The following FRMD4B variants were observed in gnomAD, a reference collection of about 807,000 sequenced individuals.
The protein encoded by FRMD4B is FERM domain containing 4B.
Under a neutral mutation model 141.5 loss-of-function variants are expected in FRMD4B, and 74 were observed. The observed-to-expected ratio is 0.52, with a 90% CI of 0.43 to 0.63. The LOEUF (loss-of-function observed/expected upper bound fraction) is 0.63. Among genes scored for constraint, FRMD4B ranks in the 30% least tolerant of loss-of-function variants. The probability of loss-of-function intolerance (pLI) is 0.00; values close to 1 mark genes in which losing one functional copy is unlikely to be tolerated. For synonymous variants in FRMD4B, 506 were observed against 467.9 expected, an observed-to-expected ratio of 1.08 and a Z score of -1.05; for missense variants, 1,366 against 1,253.4, an observed-to-expected ratio of 1.09 and a Z score of -1.36.
intron 5 of FRMD4B, among the ~76,000 whole-genome samples, chr3:69,272,850 A>C (rs779643199): frequency 6.6e-6 from 1 of 152,230 alleles, no homozygotes; most frequent in African/African-American, 2.4e-5. Context: ...AAATATGGAT[A>C]GTAATGGGTC....
At chr3:69,510,419 T>C (rs1004059756) in intron 1 of FRMD4B, among the ~76,000 whole-genome samples, 6 of 152,226 alleles carry the variant, frequency 3.9e-5, no homozygotes, top group African/African-American at 1.4e-4. Flanking sequence ...ATGAATTGCC[T>C]TTGTATTACT....
intron 1 of FRMD4B, among the ~76,000 whole-genome samples, chr3:69,482,634 T>A (rs1056356494): frequency 6.6e-6 from 1 of 152,238 alleles, no homozygotes; most frequent in African/African-American, 2.4e-5. Flanking sequence ...AGAAGCTTAC[T>A]GATGCCAATT....
At chr3:69,306,644 C>T (rs559112216) in intron 3 of FRMD4B, 2 of 152,360 alleles carry the variant, frequency 1.3e-5, no homozygotes, top group African/African-American at 2.4e-5. Flanking sequence ...AGTAACGTGA[C>T]CTTGAATCTG....
At chr3:69,475,754 T>G (rs1025928157) in intron 1 of FRMD4B, among the ~76,000 whole-genome samples, 29 of 144,598 alleles carry the variant, frequency 2.0e-4, no homozygotes, top group Non-Finnish European at 3.4e-4. Flanking sequence ...ATGGTATTTC[T>G]AGTTCTAGAT....
intron 16 of FRMD4B, among the ~76,000 whole-genome samples, chr3:69,194,253 G>C (rs2092874908): frequency 2.0e-5 from 3 of 152,312 alleles, no homozygotes. Context: ...ATTCCTGGTT[G>C]CATGACCCTG....
At chr3:69,489,615 G>A (rs1375720276) in intron 1 of FRMD4B, among the ~76,000 whole-genome samples, 1 of 152,196 alleles carries the variant, frequency 6.6e-6, no homozygotes, top group East Asian at 1.9e-4. Context: ...AAAGAAACAA[G>A]AACCTTCACA....
intron 2 of FRMD4B, among the ~76,000 whole-genome samples, chr3:69,416,716 G>A (rs944383295): frequency 2.6e-5 from 4 of 151,976 alleles, no homozygotes; most frequent in Non-Finnish European, 5.9e-5. Flanking sequence ...CCAACCTCCC[G>A]ATAGGCCCAG....
intron 1 of FRMD4B, among the ~76,000 whole-genome samples, chr3:69,473,220 A>G (rs1482557616): frequency 6.6e-6 from 1 of 151,988 alleles, no homozygotes; most frequent in Non-Finnish European, 1.5e-5. Context: ...CTCTCTTCCT[A>G]TACTCCATAC....
Position 69,313,475 on chromosome 3 carries a change from T to C in FRMD4B, c.205A>G (p.Arg69Gly). 2 of 1,572,964 alleles carry C rather than the reference T, an allele frequency of 1.3e-6. No individual in the cohort carries two copies. Among genetic ancestry groups the C allele is most frequent in the Non-Finnish European group, 1.7e-6 (2 of 1,158,426 alleles). The change falls in exon 2 of 23, where the codon AGG becomes GGG. Residue 69 changes from arginine (R) to glycine (G), a missense_variant. Coordinates refer to ENST00000398540, the MANE Select transcript of FRMD4B (RefSeq NM_015123.3). ...RHCQVHLLDD[R>G]RLELLVQPKL... Reference sequence around the variant, plus strand: ...ACCTGAACCAGCAGCTCCAGTCTCCTATCATCCAGGAGGTGCACCTGGCAG... The same window carrying C: ...ACCTGAACCAGCAGCTCCAGTCTCCCATCATCCAGGAGGTGCACCTGGCAG...
chr3:69,389,963 C>A (rs1575783922), upstream of FRMD4B, among the ~76,000 whole-genome samples: 2 of 151,610 alleles, frequency 1.3e-5, no homozygotes, highest in Non-Finnish European at 2.9e-5. Flanking sequence ...GCACAGAGTT[C>A]CCTGCAATAC....
chr3:69,267,550 T>G, intron 5 of FRMD4B, among the ~76,000 whole-genome samples: 1 of 148,572 alleles, frequency 6.7e-6, no homozygotes, highest in Non-Finnish European at 1.5e-5. Context: ...GCCTAGCACA[T>G]AGAAAATATT....
At chr3:69,371,320 A>C (rs1346609014) in intron 1 of FRMD4B, among the ~76,000 whole-genome samples, 3 of 152,160 alleles carry the variant, frequency 2.0e-5, no homozygotes, top group Non-Finnish European at 4.4e-5. Context: ...GCTGGGAGTT[A>C]AGACCAGAGT....
At chr3:69,509,684 T>A (rs1160028841) in intron 1 of FRMD4B, among the ~76,000 whole-genome samples, 1 of 152,110 alleles carries the variant, frequency 6.6e-6, no homozygotes, top group Non-Finnish European at 1.5e-5. Context: ...TCATATGTCA[T>A]TTTATTGCAC....
upstream of FRMD4B, chr3:69,386,227 G>T: frequency 2.4e-6 from 1 of 423,710 alleles, no homozygotes; most frequent in Non-Finnish European, 4.2e-6. Flanking sequence ...GTCCACCCCC[G>T]CCCGCTCGCA....
chr3:69,512,764 T>A (rs1706709733), intron 1 of FRMD4B, among the ~76,000 whole-genome samples: 1 of 152,070 alleles, frequency 6.6e-6, no homozygotes, highest in African/African-American at 2.4e-5. Flanking sequence ...CCCGCCCAAA[T>A]AAAACTTGGA....
intron 2 of FRMD4B, among the ~76,000 whole-genome samples, chr3:69,416,534 T>C (rs1364146580): frequency 2.6e-5 from 4 of 152,004 alleles, no homozygotes; most frequent in Non-Finnish European, 5.9e-5. Flanking sequence ...AACCTGTTCT[T>C]TTTTTTTAAA....
At chr3:69,524,723 C>T (rs1325261538) in intron 1 of FRMD4B, among the ~76,000 whole-genome samples, 2 of 152,162 alleles carry the variant, frequency 1.3e-5, no homozygotes, top group East Asian at 3.9e-4. Context: ...AAGGTGTTTC[C>T]TTTAAATGGG....
Position 69,170,415 on chromosome 3 carries a change from TTGTC to T in FRMD4B, c.*1442_*1445del, listed in dbSNP as rs1289454517. 2 of 151,152 alleles carry T rather than the reference TTGTC, an allele frequency of 1.3e-5. No individual in the cohort carries two copies. The highest frequency in any genetic ancestry group is 3.9e-4 in the East Asian group (2 of 5,164). The allele number at this position is 151,152 out of a possible 1,614,324, so 9.4% of individuals were successfully genotyped here. On this transcript the variant is annotated 3_prime_UTR_variant, in exon 23 of 23. Transcript: ENST00000398540. ...AAAGGAATAAGTTATTTTTTTTTGCTTGTCTTTTTTCCAAAATTTTTTCCCAAAC... is the reference window on the plus strand; with the variant it reads ...AAAGGAATAAGTTATTTTTTTTTGCTTTTTTTCCAAAATTTTTTCCCAAAC...
At chr3:69,267,484 C>T (rs2093567948) in intron 5 of FRMD4B, among the ~76,000 whole-genome samples, 1 of 151,626 alleles carries the variant, frequency 6.6e-6, no homozygotes, top group Non-Finnish European at 1.5e-5. Flanking sequence ...AAACTGTAAC[C>T]TCCACATGGG....
Sources: gnomAD v4.1 joint callset for allele counts (sites outside exome capture counted in the v4.1 genomes callset) on GRCh38, gnomAD v4.1.1 for gene constraint, MANE v1.5 for transcripts, NCBI Gene and HGNC (gene_info 2026-07-23, HGNC 2026-07-21) for gene names.